NBEA: variants seen among roughly 807,000 people sequenced by gnomAD.
The protein encoded by NBEA is neurobeachin.
In NBEA, 44 loss-of-function variants were observed where a neutral mutation model predicts 343.4. That is an observed-to-expected ratio of 0.13 (90% CI 0.10 to 0.16). The LOEUF (loss-of-function observed/expected upper bound fraction) is 0.16. Ranked by LOEUF, NBEA falls within the 10% of genes least tolerant of loss-of-function variation. The probability of loss-of-function intolerance (pLI) is 1.00; values close to 1 mark genes in which losing one functional copy is unlikely to be tolerated. For missense variants in NBEA, 2,555 were observed against 3,631.3 expected, an observed-to-expected ratio of 0.70 and a Z score of 7.62; for synonymous variants, 1,175 against 1,238.7, an observed-to-expected ratio of 0.95 and a Z score of 1.08.
rs190515505 is a variant in NBEA, at chr13:35,283,738, A to G, written c.5777-6651A>G. On this transcript the variant is annotated intron_variant, in intron 34 of 58. Transcript: ENST00000379939. ...GATTTTCACAATAAATAGAATAACA[A>G]ATTGTAAATAGCATCACATTATTCA... Among the ~76,000 whole-genome samples, 18 of 152,274 alleles carry G rather than the reference A, an allele frequency of 1.2e-4. No individual in the cohort carries two copies. In the East Asian group the frequency reaches 3.3e-3, roughly 28 times the overall value.
chr13:35,030,888 T>G (rs896661160), intron 1 of NBEA, among the ~76,000 whole-genome samples: 2 of 151,668 alleles, frequency 1.3e-5, no homozygotes, highest in African/African-American at 4.8e-5. Context: ...ACACTCAGGC[T>G]TCACATAACA....
intron 1 of NBEA, among the ~76,000 whole-genome samples, chr13:35,003,136 G>A (rs1199436582): frequency 5.3e-5 from 8 of 152,102 alleles, no homozygotes; most frequent in Admixed American, 3.9e-4. Context: ...CATAAAGATG[G>A]TAAAAAGTTG....
At chr13:35,209,236 A>G (rs977975342) in intron 32 of NBEA, among the ~76,000 whole-genome samples, 2 of 152,204 alleles carry the variant, frequency 1.3e-5, no homozygotes, top group Non-Finnish European at 2.9e-5. Flanking sequence ...CAGAAAGTAG[A>G]TTTGGGGACA....
intron 10 of NBEA, among the ~76,000 whole-genome samples, chr13:35,093,719 T>C (rs1367521191): frequency 6.6e-6 from 1 of 152,020 alleles, no homozygotes; most frequent in Non-Finnish European, 1.5e-5. Context: ...TTATTAAATT[T>C]CTAAAGCATT....
chr13:35,595,487 A>G (rs2081749066), intron 47 of NBEA, among the ~76,000 whole-genome samples: 2 of 151,738 alleles, frequency 1.3e-5, no homozygotes, highest in Admixed American at 6.6e-5. Flanking sequence ...ATATCTTGCC[A>G]TGTAGACTTC....
At chr13:34,984,203 A>C (rs1460542546) in intron 1 of NBEA, among the ~76,000 whole-genome samples, 1 of 152,124 alleles carries the variant, frequency 6.6e-6, no homozygotes, top group Non-Finnish European at 1.5e-5. Context: ...ATCTTGAATT[A>C]ATTTTAGTAT....
At position 34,976,654 on chromosome 13, in the gene NBEA, GT is replaced by G. The variant is rs766823932; in HGVS notation, c.294+33555del. Among the ~76,000 whole-genome samples, 498 of 127,700 alleles carry G rather than the reference GT, an allele frequency of 3.9e-3. 1 individual carries two copies. Among genetic ancestry groups the G allele is most frequent in the East Asian group, 7.3e-3 (31 of 4,240 alleles). 83.8% of individuals were successfully genotyped at this position (127,700 alleles called of 152,430 possible). ...TCTTTTTCTTTTTTCTTTGTTTTTT[GT>G]TTTTTTTTTTTTTTCATGGAGCAGA... On this transcript the variant is annotated intron_variant, in intron 1 of 58. Coordinates refer to ENST00000379939, the MANE Select transcript of NBEA (RefSeq NM_001385012.1).
At position 35,418,299 on chromosome 13, in the gene NBEA, A is replaced by G. The variant is rs945182059; in HGVS notation, c.6180-13970A>G. ...AGACATTATTATTAGAGTATTTTCT[A>G]TTGTTTTTTCTATAGTGACTCATTT... On this transcript the variant is annotated intron_variant, in intron 38 of 58. Transcript: ENST00000379939. Among the ~76,000 whole-genome samples the G allele has an allele frequency of 8.6e-5, 13 of 151,540 alleles. No homozygotes were observed. The South Asian group carries it at 1.9e-3, about 22-fold the overall frequency.
chr13:35,563,139 A>ATAGATAGATAGAGAT (rs1555303324), intron 44 of NBEA, among the ~76,000 whole-genome samples: 6 of 131,118 alleles, frequency 4.6e-5, no homozygotes, highest in Non-Finnish European at 8.0e-5. Flanking sequence ...GTGGAGATAG[A>ATAGATAGATAGAGAT]TAGATAGATA....
chr13:35,310,020 A>G (rs938045081), intron 36 of NBEA, among the ~76,000 whole-genome samples: 2 of 152,130 alleles, frequency 1.3e-5, no homozygotes, highest in African/African-American at 4.8e-5. Context: ...TGTGAGGGAT[A>G]TTAAATATAG....
chr13:35,572,804 G>A (rs1345162930), intron 45 of NBEA, among the ~76,000 whole-genome samples: 1 of 151,918 alleles, frequency 6.6e-6, no homozygotes, highest in Non-Finnish European at 1.5e-5. Context: ...CATGATCTTG[G>A]CTCACTACAA....
At chr13:34,953,009 C>A (rs1007746896) in intron 1 of NBEA, among the ~76,000 whole-genome samples, 1 of 152,046 alleles carries the variant, frequency 6.6e-6, no homozygotes, top group Admixed American at 6.6e-5. Context: ...AAAGTTGGAT[C>A]TTCCATTTCC....
At chr13:34,999,951 C>T (rs1003544991) in intron 1 of NBEA, among the ~76,000 whole-genome samples, 40 of 152,200 alleles carry the variant, frequency 2.6e-4, no homozygotes, top group African/African-American at 7.7e-4. Context: ...GCCCATCATC[C>T]GTCGGTATGT....
intron 1 of NBEA, among the ~76,000 whole-genome samples, chr13:34,976,364 C>G (rs2060174431): frequency 6.6e-6 from 1 of 152,108 alleles, no homozygotes; most frequent in South Asian, 2.1e-4. Context: ...TATGTGAGAG[C>G]TAACCTACGA....
At chr13:35,577,456 A>G (rs1000775025) in intron 45 of NBEA, among the ~76,000 whole-genome samples, 2 of 152,176 alleles carry the variant, frequency 1.3e-5, no homozygotes, top group Non-Finnish European at 2.9e-5. Context: ...GGCATTTATT[A>G]TTCTGTGAAT....
At chr13:34,945,792 CATAA>C (rs913191124) in intron 1 of NBEA, among the ~76,000 whole-genome samples, 2 of 151,984 alleles carry the variant, frequency 1.3e-5, no homozygotes, top group Non-Finnish European at 2.9e-5. Context: ...TAAGGATACT[CATAA>C]ATACTTGGTT....
chr13:34,977,748 C>A (rs2060228354), intron 1 of NBEA, among the ~76,000 whole-genome samples: 1 of 152,192 alleles, frequency 6.6e-6, no homozygotes, highest in African/African-American at 2.4e-5. Flanking sequence ...TTTCACATTT[C>A]TTGCACCTGC....
At position 35,346,310 on chromosome 13, in the gene NBEA, T is replaced by G. The variant is rs1259552792; in HGVS notation, c.5904-2798T>G. Among the ~76,000 whole-genome samples, 3 of 152,144 alleles carry G rather than the reference T, an allele frequency of 2.0e-5. No individual in the cohort carries two copies. The East Asian group carries it at 5.8e-4, about 29-fold the overall frequency. ...TCCTGGCTTTCTTCAGCCTTCAGCATGCACTAGACAAAGCCATTGAACGAA... is the reference window on the plus strand; with the variant it reads ...TCCTGGCTTTCTTCAGCCTTCAGCAGGCACTAGACAAAGCCATTGAACGAA... On this transcript the variant is annotated intron_variant, in intron 36 of 58. Coordinates refer to ENST00000379939, the MANE Select transcript of NBEA (RefSeq NM_001385012.1).
intron 53 of NBEA, among the ~76,000 whole-genome samples, chr13:35,654,510 A>G (rs2084711305): frequency 6.6e-6 from 1 of 152,214 alleles, no homozygotes; most frequent in Non-Finnish European, 1.5e-5. Flanking sequence ...TTTTCATGTG[A>G]TTCTTATAAA....
Sources: allele counts gnomAD v4.1 joint callset (sites outside exome capture counted in the v4.1 genomes callset), GRCh38; gene constraint gnomAD v4.1.1; transcripts MANE v1.5; gene names NCBI Gene and HGNC (gene_info 2026-07-23, HGNC 2026-07-21).